Variants in FTCDNL1 observed in about 807,000 individuals in gnomAD.
FTCDNL1 encodes formiminotransferase cyclodeaminase N-terminal like.
A neutral mutation model predicts 5.9 loss-of-function variants in FTCDNL1; 11 were observed. The ratio of observed to expected loss-of-function variants is 1.87; its 90% CI spans 1.18 to 3.10. The LOEUF is 3.10. Ranked by LOEUF, FTCDNL1 falls within the 30% of genes most tolerant of loss-of-function variation. The pLI is 0.00. For synonymous variants in FTCDNL1, 58 were observed against 24.8 expected, an observed-to-expected ratio of 2.34 and a Z score of -3.99; for missense variants, 115 against 65.5, an observed-to-expected ratio of 1.76 and a Z score of -2.61.
the FTCDNL1 span, among the ~76,000 whole-genome samples, chr2:199,682,200 A>G: frequency 6.6e-6 from 1 of 152,186 alleles, no homozygotes; most frequent in Admixed American, 6.5e-5. Flanking sequence ...GGTGGGCCTC[A>G]TCCAACCAGT....
At chr2:199,771,718 A>G (rs1698819473) in intron 3 of FTCDNL1, among the ~76,000 whole-genome samples, 1 of 152,226 alleles carries the variant, frequency 6.6e-6, no homozygotes, top group African/African-American at 2.4e-5. Context: ...ATACCACCCA[A>G]TGACAGCAAG....
chr2:199,828,346 GA>G (rs1702159387), intron 3 of FTCDNL1, among the ~76,000 whole-genome samples: 1 of 152,194 alleles, frequency 6.6e-6, no homozygotes, highest in Admixed American at 6.5e-5. Context: ...GCCTCTTAAA[GA>G]AGATAATAAT....
chr2:199,723,051 A>G, the FTCDNL1 span, among the ~76,000 whole-genome samples: 1 of 150,882 alleles, frequency 6.6e-6, no homozygotes, highest in Non-Finnish European at 1.5e-5. Flanking sequence ...GCACCTATAA[A>G]CCCATCACCT....
chr2:199,758,153 G>C (rs1698133563), downstream of FTCDNL1, among the ~76,000 whole-genome samples: 1 of 152,080 alleles, frequency 6.6e-6, no homozygotes, highest in African/African-American at 2.4e-5. Context: ...AGAGGGACCA[G>C]TACCATTCAG....
intron 3 of FTCDNL1, among the ~76,000 whole-genome samples, chr2:199,842,002 T>C (rs2076600880): frequency 6.6e-6 from 1 of 152,138 alleles, no homozygotes; most frequent in Non-Finnish European, 1.5e-5. Flanking sequence ...CTCATGCCTG[T>C]AATCCCAGCA....
intron 4 of FTCDNL1, among the ~76,000 whole-genome samples, chr2:199,816,533 A>G (rs186546311): frequency 6.6e-6 from 1 of 152,346 alleles, no homozygotes; most frequent in Admixed American, 6.5e-5. Context: ...AAGCTTTAAG[A>G]ATATAAAAAT....
chr2:199,683,154 T>C, the FTCDNL1 span, among the ~76,000 whole-genome samples: 17 of 152,198 alleles, frequency 1.1e-4, no homozygotes, highest in Admixed American at 9.8e-4. Flanking sequence ...CATCATCATC[T>C]TTTACAAGAA....
At chr2:199,760,736 GT>G in exon 4 of FTCDNL1, 1 of 698,528 alleles carries the variant, frequency 1.4e-6, no homozygotes. Flanking sequence ...TCCTCCATGA[GT>G]CACCCCAGAT....
At chr2:199,717,509 A>ATTTTTTTTTTTTTCTTTTTTTTT in the FTCDNL1 span, among the ~76,000 whole-genome samples, 1 of 57,660 alleles carries the variant, frequency 1.7e-5, no homozygotes, top group East Asian at 9.2e-4. Context: ...CAAGGCAGAG[A>ATTTTTTTTTTTTTCTTTTTTTTT]TTTTTTTTTT....
chr2:199,773,842 C>CTG (rs746941961), intron 3 of FTCDNL1, among the ~76,000 whole-genome samples: 6 of 152,190 alleles, frequency 3.9e-5, no homozygotes, highest in Admixed American at 1.3e-4. Context: ...GCACCACCAC[C>CTG]TGGCCTTTAT....
the FTCDNL1 span, among the ~76,000 whole-genome samples, chr2:199,700,868 A>T: frequency 6.6e-6 from 1 of 152,076 alleles, no homozygotes; most frequent in South Asian, 2.1e-4. Flanking sequence ...CCTTCCTTTC[A>T]CCATATACAA....
chr2:199,755,082 T>C, the FTCDNL1 span, among the ~76,000 whole-genome samples: 9,711 of 152,218 alleles, frequency 0.064, 905 homozygotes, highest in African/African-American at 0.2. Context: ...AGCACTCTGC[T>C]GCTCTGAACC....
At chr2:199,775,131 C>A (rs528339050) in intron 3 of FTCDNL1, among the ~76,000 whole-genome samples, 1 of 152,314 alleles carries the variant, frequency 6.6e-6, no homozygotes, top group Non-Finnish European at 1.5e-5. Flanking sequence ...AATGCAGCTC[C>A]AAAATCACAT....
chr2:199,740,636 C>T, the FTCDNL1 span, among the ~76,000 whole-genome samples: 3 of 152,142 alleles, frequency 2.0e-5, no homozygotes, highest in Non-Finnish European at 4.4e-5. Context: ...AAGGCCCATC[C>T]AATGGATTCA....
At chr2:199,709,114 A>T in the FTCDNL1 span, among the ~76,000 whole-genome samples, 1 of 152,096 alleles carries the variant, frequency 6.6e-6, no homozygotes. Context: ...AACTTAAAAA[A>T]CATCTGTTCC....
At chr2:199,797,204 A>G (rs1700217232) in intron 3 of FTCDNL1, among the ~76,000 whole-genome samples, 1 of 152,254 alleles carries the variant, frequency 6.6e-6, no homozygotes, top group East Asian at 1.9e-4. Flanking sequence ...TATGTTCATT[A>G]GCAACAGTGG....
At chr2:199,737,060 A>T in the FTCDNL1 span, among the ~76,000 whole-genome samples, 1 of 152,232 alleles carries the variant, frequency 6.6e-6, no homozygotes, top group Non-Finnish European at 1.5e-5. Context: ...AATTTCCAAA[A>T]CAGCAACTTT....
the FTCDNL1 span, among the ~76,000 whole-genome samples, chr2:199,725,058 G>A: frequency 6.6e-6 from 1 of 152,052 alleles, no homozygotes; most frequent in Admixed American, 6.5e-5. Context: ...AATGAACCTG[G>A]GTGCTCCTGT....
intron 3 of FTCDNL1, among the ~76,000 whole-genome samples, chr2:199,766,094 A>C (rs1698525530): frequency 6.6e-6 from 1 of 152,202 alleles, no homozygotes; most frequent in African/African-American, 2.4e-5. Context: ...GTGTACAGAC[A>C]ACCTGGGCAG....
Sources: gnomAD v4.1 joint callset for allele counts (sites outside exome capture counted in the v4.1 genomes callset) on GRCh38, gnomAD v4.1.1 for gene constraint, MANE v1.5 for transcripts, NCBI Gene and HGNC (gene_info 2026-07-23, HGNC 2026-07-21) for gene names.